The following SH3GL1 variants were observed in gnomAD, a reference collection of about 807,000 sequenced individuals.
SH3GL1 encodes endophilin-A2.
SH3GL1 carries 21 observed loss-of-function variants against 48.8 expected under a neutral mutation model. The observed-to-expected ratio is 0.43, with a 90% CI of 0.30 to 0.62. The LOEUF is 0.62. Among genes scored for constraint, SH3GL1 ranks in the 20% least tolerant of loss-of-function variants. The pLI is 0.11. For synonymous variants in SH3GL1, 282 were observed against 217.5 expected (o/e 1.30, Z -2.61); for missense variants, 454 against 503.0 (o/e 0.90, Z 0.93).
At chr19:4,384,822 G>A (rs1470426709) in intron 1 of SH3GL1, among the ~76,000 whole-genome samples, 1 of 152,234 alleles carries the variant, frequency 6.6e-6, no homozygotes, top group Non-Finnish European at 1.5e-5. Context: ...AAAGTAGGGT[G>A]AGCAGGTGCG....
intron 1 of SH3GL1, among the ~76,000 whole-genome samples, chr19:4,377,110 C>G (rs372716883): frequency 3.3e-5 from 5 of 152,348 alleles, no homozygotes; most frequent in African/African-American, 1.2e-4. Flanking sequence ...CAGAGAGCTG[C>G]AAGGTTGGGA....
chr19:4,390,786 G>A (rs1018897383), intron 1 of SH3GL1, among the ~76,000 whole-genome samples: 2 of 128,696 alleles, frequency 1.6e-5, no homozygotes, highest in Non-Finnish European at 3.2e-5. Flanking sequence ...CAACCCTCCC[G>A]GCACTTAAAG....
At chr19:4,392,258 G>A (rs918493259) in intron 1 of SH3GL1, among the ~76,000 whole-genome samples, 2 of 152,220 alleles carry the variant, frequency 1.3e-5, no homozygotes, top group African/African-American at 2.4e-5. Context: ...TATTCCCACT[G>A]GCTCACGCCT....
At chr19:4,370,244 AGG>A (rs1484043983) in intron 1 of SH3GL1, among the ~76,000 whole-genome samples, 4 of 152,174 alleles carry the variant, frequency 2.6e-5, no homozygotes, top group African/African-American at 9.7e-5. Context: ...GGGAGGACTG[AGG>A]CCATGGTCCC....
chr19:4,368,432 A>G (rs1386486378), intron 1 of SH3GL1, among the ~76,000 whole-genome samples: 1 of 152,226 alleles, frequency 6.6e-6, no homozygotes, highest in Non-Finnish European at 1.5e-5. Flanking sequence ...TGGAGGTCAC[A>G]GCCCAAGGCA....
chr19:4,365,354 G>T, intron 4 of SH3GL1, 128 bp downstream of exon 4: 2 of 1,288,068 alleles, frequency 1.6e-6, no homozygotes, highest in Non-Finnish European at 2.2e-6. Flanking sequence ...CACCTCTGCA[G>T]CTGGAAAGCT....
chr19:4,360,785 G>A lies in SH3GL1; in HGVS notation c.*815C>T, dbSNP rs1196821033. 6 of 233,800 alleles carry A rather than the reference G, an allele frequency of 2.6e-5. No individual in the cohort carries two copies. The highest frequency in any genetic ancestry group is 5.1e-5 in the Non-Finnish European group (6 of 118,468). The allele number at this position is 233,800 out of a possible 1,614,324, so 14.5% of individuals were successfully genotyped here. A position where few individuals can be genotyped will look rare whatever the true frequency, so the allele number is the denominator to read the frequency against. On this transcript the variant is annotated 3_prime_UTR_variant, in exon 10 of 10. Coordinates refer to ENST00000269886, the MANE Select transcript of SH3GL1 (RefSeq NM_003025.4). ...CCCTCGGCAGCGCGGCTGTGGTCCC[G>A]TGTGAGGTGTGCTGGGGTGGGTGTG...
chr19:4,363,284 C>T (rs1377539561), intron 7 of SH3GL1, 86 bp downstream of exon 7: 3 of 1,024,422 alleles, frequency 2.9e-6, no homozygotes, highest in Non-Finnish European at 4.4e-6. Context: ...CATGTGCTCA[C>T]CCCACAGCGA....
At chr19:4,385,605 A>G (rs1471811886) in intron 1 of SH3GL1, among the ~76,000 whole-genome samples, 1 of 152,022 alleles carries the variant, frequency 6.6e-6, no homozygotes, top group Non-Finnish European at 1.5e-5. Context: ...GCTGCCCACT[A>G]TGGAACCCTC....
intron 7 of SH3GL1, among the ~76,000 whole-genome samples, 170 bp downstream of exon 7, chr19:4,363,200 C>G (rs933805108): frequency 5.3e-5 from 8 of 152,184 alleles, no homozygotes; most frequent in African/African-American, 1.9e-4. Flanking sequence ...TCTCAGAGCC[C>G]CAGCTCCTCT....
intron 1 of SH3GL1, among the ~76,000 whole-genome samples, chr19:4,391,531 A>G (rs768528288): frequency 2.6e-5 from 4 of 152,196 alleles, no homozygotes; most frequent in Admixed American, 2.6e-4. Context: ...ACTGTACAGC[A>G]GTCACGGGTG....
chr19:4,362,593 G>C lies in SH3GL1; in HGVS notation c.853+19C>G. The C allele has an allele frequency of 6.2e-7, 1 of 1,613,020 alleles. No individual in the cohort carries two copies. The highest frequency in any genetic ancestry group is 8.5e-7 in the Non-Finnish European group (1 of 1,179,842). On this transcript the variant is annotated intron_variant, in intron 8 of 9. Transcript: ENST00000269886. ...CCCGCTGGCATTTGCCTCCGCAAGAGGGCTCCATGCCCCATTACCTGCGAT... is the reference window on the plus strand; with the variant it reads ...CCCGCTGGCATTTGCCTCCGCAAGACGGCTCCATGCCCCATTACCTGCGAT...
intron 1 of SH3GL1, among the ~76,000 whole-genome samples, chr19:4,378,307 G>A (rs1263960242): frequency 5.3e-5 from 8 of 152,084 alleles, no homozygotes; most frequent in African/African-American, 1.9e-4. Flanking sequence ...GGCGACACCG[G>A]GACTGGATGT....
At chr19:4,399,978 G>C (rs1038806878) in intron 1 of SH3GL1, among the ~76,000 whole-genome samples, 7 of 152,184 alleles carry the variant, frequency 4.6e-5, no homozygotes, top group Non-Finnish European at 1.0e-4. Flanking sequence ...TATCTGGCAA[G>C]AGTCCTGTGT....
intron 1 of SH3GL1, among the ~76,000 whole-genome samples, chr19:4,372,390 C>T (rs550372800): frequency 3.9e-5 from 6 of 152,214 alleles, no homozygotes; most frequent in Non-Finnish European, 7.3e-5. Context: ...TCTAACACTG[C>T]AGCTGTGTTC....
intron 1 of SH3GL1, among the ~76,000 whole-genome samples, chr19:4,393,193 G>A (rs771401829): frequency 1.3e-5 from 2 of 151,804 alleles, no homozygotes; most frequent in Non-Finnish European, 2.9e-5. Context: ...CCCAGGAGGC[G>A]GAGGTTGCAG....
In SH3GL1 at chr19:4,365,617, C is replaced by A; in HGVS notation, c.196G>T (p.Ala66Ser). The change falls in exon 4 of 10, where the codon GCT (alanine) becomes TCT (serine). Residue 66 changes from alanine to serine, a missense_variant. By Grantham distance (99) the Ala-to-Ser change is moderately conservative (BLOSUM62 1). Coordinates refer to ENST00000269886, the MANE Select transcript of SH3GL1 (RefSeq NM_003025.4). ...ACCGTGTTGAGCATGGTCAGCTTAG[C>A]CCGCGAGGCTGGGATAGGATGGCCA... ...EYLQPNPASR[A>S]KLTMLNTVSK... 6.2e-7 allele frequency: 1 copy of A among 1,614,040 alleles called. No individual in the cohort carries two copies. Among genetic ancestry groups the A allele is most frequent in the Non-Finnish European group, 8.5e-7 (1 of 1,180,032 alleles).
chr19:4,368,755 C>A (rs923909328), intron 1 of SH3GL1, among the ~76,000 whole-genome samples: 3 of 152,214 alleles, frequency 2.0e-5, no homozygotes, highest in Non-Finnish European at 4.4e-5. Flanking sequence ...CTCAGCCACA[C>A]AGCACCTTGG....
intron 1 of SH3GL1, among the ~76,000 whole-genome samples, chr19:4,399,879 C>A (rs72988719): frequency 0.063 from 9,622 of 152,334 alleles, 373 homozygotes; most frequent in Non-Finnish European, 0.094. Flanking sequence ...AAACTGACTT[C>A]TTCCTCTACC....
Sources: gnomAD v4.1 joint callset for allele counts (sites outside exome capture counted in the v4.1 genomes callset) on GRCh38, gnomAD v4.1.1 for gene constraint, MANE v1.5 for transcripts, NCBI Gene and HGNC (gene_info 2026-07-23, HGNC 2026-07-21) for gene names.